Variants in SATB2 observed in about 807,000 individuals in gnomAD.
The protein encoded by SATB2 is DNA-binding protein SATB2.
A neutral mutation model predicts 73.4 loss-of-function variants in SATB2; 1 was observed. The ratio of observed to expected loss-of-function variants is 0.01; its 90% CI spans 0.00 to 0.06. SATB2 has a LOEUF of 0.06. Ranked by LOEUF, SATB2 falls within the 10% of genes least tolerant of loss-of-function variation. The pLI is 1.00. For synonymous variants in SATB2, 397 were observed against 367.0 expected (o/e 1.08, Z -0.93); for missense variants, 459 against 945.8 (o/e 0.49, Z 6.75).
At chr2:199,303,332 C>T (rs1034246955) in intron 10 of SATB2, among the ~76,000 whole-genome samples, 1 of 152,074 alleles carries the variant, frequency 6.6e-6, no homozygotes, top group African/African-American at 2.4e-5. Flanking sequence ...GCCTGGCTCT[C>T]AAAAAGGCTA....
chr2:199,412,429 G>A (rs1690848317), intron 3 of SATB2, among the ~76,000 whole-genome samples: 1 of 152,166 alleles, frequency 6.6e-6, no homozygotes, highest in Non-Finnish European at 1.5e-5. Context: ...AGCAATGGAA[G>A]GAGCAAGGAG....
At chr2:199,394,927 C>A (rs961036912) in intron 3 of SATB2, among the ~76,000 whole-genome samples, 7 of 151,814 alleles carry the variant, frequency 4.6e-5, no homozygotes, top group Non-Finnish European at 7.4e-5. Context: ...GTCACTCAGG[C>A]CACTAACTTA....
chr2:199,310,600 G>A (rs1221394959), intron 9 of SATB2, among the ~76,000 whole-genome samples: 1 of 152,160 alleles, frequency 6.6e-6, no homozygotes, highest in African/African-American at 2.4e-5. Context: ...TAAACCATCT[G>A]TGGAAAAATA....
intron 3 of SATB2, among the ~76,000 whole-genome samples, chr2:199,398,778 T>A (rs1690379671): frequency 6.6e-6 from 1 of 152,220 alleles, no homozygotes; most frequent in Non-Finnish European, 1.5e-5. Flanking sequence ...AATGACTGAT[T>A]TCTTATTTAG....
intron 10 of SATB2, among the ~76,000 whole-genome samples, chr2:199,284,750 C>T (rs550382605): frequency 1.3e-5 from 2 of 151,352 alleles, no homozygotes; most frequent in Admixed American, 1.3e-4. Context: ...GGTTCCATAC[C>T]TATGGATTCA....
At chr2:199,288,722 A>G (rs1475360563) in intron 10 of SATB2, among the ~76,000 whole-genome samples, 1 of 152,238 alleles carries the variant, frequency 6.6e-6, no homozygotes, top group Non-Finnish European at 1.5e-5. Context: ...CCTTTTATAG[A>G]AAGTAAATCT....
intron 3 of SATB2, among the ~76,000 whole-genome samples, chr2:199,420,816 A>G (rs1691142551): frequency 6.6e-6 from 1 of 152,170 alleles, no homozygotes; most frequent in Non-Finnish European, 1.5e-5. Flanking sequence ...TGTTAAATCG[A>G]TATCTCATTT....
chr2:199,302,419 A>G (rs10497833), intron 10 of SATB2, among the ~76,000 whole-genome samples: 3,086 of 152,324 alleles, frequency 0.02, 100 homozygotes, highest in African/African-American at 0.069. Flanking sequence ...ATGCTCTTCA[A>G]GTTGAATAAA....
chr2:199,319,848 T>G (rs935588089), intron 9 of SATB2, among the ~76,000 whole-genome samples: 1 of 151,528 alleles, frequency 6.6e-6, no homozygotes, highest in African/African-American at 2.4e-5. Flanking sequence ...TAGCAGGATA[T>G]GAGAAGAAAA....
At chr2:199,386,701 C>T (rs1387335975) in intron 3 of SATB2, among the ~76,000 whole-genome samples, 30 of 1,902 alleles carry the variant, frequency 0.016, 1 homozygote, top group African/African-American at 0.037. Context: ...CGCAAGCGCG[C>T]GCGCGCGCGC....
chr2:199,381,568 C>T (rs1316145021), intron 4 of SATB2, 126 bp downstream of exon 4: 6 of 1,345,744 alleles, frequency 4.5e-6, no homozygotes, highest in Non-Finnish European at 6.4e-6. Flanking sequence ...TTCCCTCTCT[C>T]TCCTTCTTTT....
chr2:199,311,929 G>C (rs1035146189), intron 9 of SATB2, among the ~76,000 whole-genome samples: 1 of 152,042 alleles, frequency 6.6e-6, no homozygotes, highest in South Asian at 2.1e-4. Context: ...GAACACACAT[G>C]TATGTAATTG....
chr2:199,387,105 T>C (rs1377777383), intron 3 of SATB2, among the ~76,000 whole-genome samples: 1 of 152,202 alleles, frequency 6.6e-6, no homozygotes, highest in Non-Finnish European at 1.5e-5. Flanking sequence ...GAAAACAGCC[T>C]GGACTCAGCA....
At chr2:199,304,998 A>C (rs1687389879) in intron 10 of SATB2, among the ~76,000 whole-genome samples, 2 of 152,190 alleles carry the variant, frequency 1.3e-5, no homozygotes, top group Admixed American at 6.5e-5. Context: ...CATGCAAAAA[A>C]TTTTGTTGGG....
intron 3 of SATB2, among the ~76,000 whole-genome samples, chr2:199,426,708 A>AAG: frequency 2.9e-5 from 1 of 34,272 alleles, no homozygotes; most frequent in African/African-American, 4.7e-5. Context: ...AAAAAAAAAA[A>AAG]AAAGAAAAGA....
At chr2:199,356,225 C>CAAAAAAAAAAAAAAAAAA (rs200509001) in intron 6 of SATB2, among the ~76,000 whole-genome samples, 3 of 100,978 alleles carry the variant, frequency 3.0e-5, no homozygotes, top group African/African-American at 5.1e-5. Flanking sequence ...GAACATAAGC[C>CAAAAAAAAAAAAAAAAAA]AAAAAAAAAA....
chr2:199,381,656 C>T (rs761245601), intron 4 of SATB2, 38 bp downstream of exon 4: 1 of 1,613,118 alleles, frequency 6.2e-7, no homozygotes, highest in Non-Finnish European at 8.5e-7. Context: ...CGGAGCAGCT[C>T]TGACAGTAAG....
intron 3 of SATB2, among the ~76,000 whole-genome samples, chr2:199,402,885 G>C (rs1032036647): frequency 6.6e-6 from 1 of 152,154 alleles, no homozygotes; most frequent in Non-Finnish European, 1.5e-5. Context: ...AAATCCCTCA[G>C]TTTGACCTTT....
At chr2:199,407,547 G>T (rs978536871) in intron 3 of SATB2, among the ~76,000 whole-genome samples, 35 of 152,284 alleles carry the variant, frequency 2.3e-4, no homozygotes, top group African/African-American at 8.4e-4. Flanking sequence ...GTTATTAAGT[G>T]AAGTCAGGAA....
Sources: gnomAD v4.1 joint callset for allele counts (sites outside exome capture counted in the v4.1 genomes callset) on GRCh38, gnomAD v4.1.1 for gene constraint, MANE v1.5 for transcripts, NCBI Gene and HGNC (gene_info 2026-07-23, HGNC 2026-07-21) for gene names.